Variants in SCFD2 observed in about 807,000 individuals in gnomAD.
SCFD2 encodes sec1 family domain-containing protein 2.
SCFD2 carries 54 observed loss-of-function variants against 58.9 expected under a neutral mutation model. The ratio of observed to expected loss-of-function variants is 0.92; its 90% CI spans 0.74 to 1.15. The LOEUF (loss-of-function observed/expected upper bound fraction) is 1.15, where lower values mean the gene tolerates loss of function less well. Among genes scored for constraint, SCFD2 ranks in the 50% most tolerant of loss-of-function variants. The pLI is 0.00. For missense variants in SCFD2, 805 were observed against 836.6 expected (o/e 0.96, Z 0.47); for synonymous variants, 321 against 335.9 (o/e 0.96, Z 0.49).
intron 4 of SCFD2, among the ~76,000 whole-genome samples, chr4:53,252,819 T>C (rs942623857): frequency 6.6e-6 from 1 of 152,116 alleles, no homozygotes; most frequent in Admixed American, 6.5e-5. Flanking sequence ...ATTCAGGACA[T>C]AGGCATGGGC....
chr4:52,885,967 T>C, intron 7 of SCFD2, 101 bp from the exon 8 acceptor site: 1 of 1,429,510 alleles, frequency 7.0e-7, no homozygotes, highest in Non-Finnish European at 9.6e-7. Context: ...ACCTCAGGAC[T>C]ACTACTGATA....
chr4:53,294,172 C>A (rs912793826), intron 3 of SCFD2, among the ~76,000 whole-genome samples: 1 of 152,124 alleles, frequency 6.6e-6, no homozygotes. Flanking sequence ...AACGGGATTG[C>A]TGGGTCAAAT....
At chr4:53,012,447 A>G (rs1308700398) in intron 5 of SCFD2, among the ~76,000 whole-genome samples, 2 of 151,842 alleles carry the variant, frequency 1.3e-5, no homozygotes, top group East Asian at 3.9e-4. Flanking sequence ...CTGGTCAAAT[A>G]GGTTGGTCCT....
At chr4:53,097,147 G>T (rs535062619) in intron 5 of SCFD2, among the ~76,000 whole-genome samples, 1 of 152,108 alleles carries the variant, frequency 6.6e-6, no homozygotes, top group Non-Finnish European at 1.5e-5. Flanking sequence ...GTTAGGTAGC[G>T]TGATGCCTCC....
chr4:53,180,103 G>C (rs1727494196), intron 4 of SCFD2, among the ~76,000 whole-genome samples: 1 of 152,082 alleles, frequency 6.6e-6, no homozygotes, highest in South Asian at 2.1e-4. Context: ...GAGACAGAAA[G>C]TTAACAAGGA....
intron 7 of SCFD2, among the ~76,000 whole-genome samples, chr4:52,903,273 C>T (rs1026475819): frequency 6.6e-6 from 1 of 152,078 alleles, no homozygotes; most frequent in Non-Finnish European, 1.5e-5. Flanking sequence ...GCATGGTGGG[C>T]GAGGCAAGAG....
chr4:53,046,787 C>A (rs1281381709), intron 5 of SCFD2, among the ~76,000 whole-genome samples: 2 of 152,132 alleles, frequency 1.3e-5, no homozygotes, highest in Non-Finnish European at 2.9e-5. Context: ...CCTGCCTCAG[C>A]CTCCCAAGTA....
At chr4:53,046,661 T>C (rs900829865) in intron 5 of SCFD2, among the ~76,000 whole-genome samples, 6 of 151,628 alleles carry the variant, frequency 4.0e-5, no homozygotes, top group Non-Finnish European at 8.8e-5. Flanking sequence ...CAAAGCTACG[T>C]GTTTTTGTTG....
At chr4:53,214,845 G>T (rs879360190) in intron 4 of SCFD2, among the ~76,000 whole-genome samples, 15 of 152,110 alleles carry the variant, frequency 9.9e-5, no homozygotes, top group Non-Finnish European at 7.3e-5. Context: ...TGTAAGGAAG[G>T]GATCCAGTTT....
intron 5 of SCFD2, among the ~76,000 whole-genome samples, chr4:52,993,855 C>T (rs1721678205): frequency 6.6e-6 from 1 of 152,220 alleles, no homozygotes; most frequent in South Asian, 2.1e-4. Flanking sequence ...CAGAAAAAGG[C>T]TCTGGAGACA....
chr4:53,325,205 G>A (rs1234958888), intron 2 of SCFD2, among the ~76,000 whole-genome samples: 5 of 149,480 alleles, frequency 3.3e-5, no homozygotes, highest in African/African-American at 7.4e-5. Context: ...GTGCGCGCAC[G>A]CTTACATATT....
At chr4:53,256,784 AG>A (rs1038977291) in intron 4 of SCFD2, among the ~76,000 whole-genome samples, 4 of 151,000 alleles carry the variant, frequency 2.6e-5, no homozygotes, top group African/African-American at 9.7e-5. Flanking sequence ...AGAATCAGGC[AG>A]GGGGGTTGCA....
intron 5 of SCFD2, among the ~76,000 whole-genome samples, chr4:53,028,654 G>A (rs1722541497): frequency 1.3e-5 from 2 of 152,132 alleles, no homozygotes; most frequent in Non-Finnish European, 2.9e-5. Flanking sequence ...AGAGAGGGAA[G>A]GATAGAGGGA....
intron 5 of SCFD2, among the ~76,000 whole-genome samples, chr4:53,122,323 G>T (rs1463916697): frequency 6.6e-6 from 1 of 152,000 alleles, no homozygotes; most frequent in Non-Finnish European, 1.5e-5. Flanking sequence ...GTTGCAGTGA[G>T]CTGAGATTGT....
chr4:52,951,325 G>C (rs961202902), intron 5 of SCFD2, among the ~76,000 whole-genome samples: 1 of 152,156 alleles, frequency 6.6e-6, no homozygotes, highest in Non-Finnish European at 1.5e-5. Context: ...TAGAGAGGCA[G>C]AAACAGAAAC....
chr4:53,297,971 C>A (rs1732103345), intron 3 of SCFD2, among the ~76,000 whole-genome samples: 1 of 151,754 alleles, frequency 6.6e-6, no homozygotes, highest in African/African-American at 2.4e-5. Context: ...GTGCTGGAGC[C>A]AAGATGGCCG....
chr4:53,341,206 T>C (rs565148713), intron 2 of SCFD2, among the ~76,000 whole-genome samples: 25 of 151,920 alleles, frequency 1.6e-4, no homozygotes, highest in Non-Finnish European at 3.5e-4. Flanking sequence ...CTAAAAACCT[T>C]GAAAAAAGAT....
At chr4:52,973,684 C>T (rs1325546973) in intron 5 of SCFD2, among the ~76,000 whole-genome samples, 1 of 152,186 alleles carries the variant, frequency 6.6e-6, no homozygotes, top group African/African-American at 2.4e-5. Context: ...CCAGCATCAT[C>T]CTGATACCAA....
At chr4:53,237,437 C>A (rs1729666357) in intron 4 of SCFD2, among the ~76,000 whole-genome samples, 3 of 148,558 alleles carry the variant, frequency 2.0e-5, no homozygotes, top group East Asian at 4.1e-4. Context: ...GCGCCCCTCA[C>A]TTCCCGGATG....
Sources: gnomAD v4.1 joint callset for allele counts (sites outside exome capture counted in the v4.1 genomes callset) on GRCh38, gnomAD v4.1.1 for gene constraint, MANE v1.5 for transcripts, NCBI Gene and HGNC (gene_info 2026-07-23, HGNC 2026-07-21) for gene names.